DHX9: variants seen among roughly 807,000 people sequenced by gnomAD.
The protein encoded by DHX9 is ATP-dependent RNA helicase A.
Under a neutral mutation model 148.7 loss-of-function variants are expected in DHX9, and 27 were observed. The ratio of observed to expected loss-of-function variants is 0.18; its 90% CI spans 0.13 to 0.25. DHX9 has a LOEUF of 0.25. DHX9 is among the 10% of genes least tolerant of loss of function. The pLI, the probability that DHX9 is intolerant of heterozygous loss-of-function variation, is 1.00. For synonymous variants in DHX9, 529 were observed against 516.6 expected (o/e 1.02, Z -0.33); for missense variants, 796 against 1,559.6 (o/e 0.51, Z 8.25).
At chr1:182,885,337 C>CTTGA (rs1399260434) in intron 27 of DHX9, among the ~76,000 whole-genome samples, 1 of 152,080 alleles carries the variant, frequency 6.6e-6, no homozygotes, top group Admixed American at 6.6e-5. Flanking sequence ...TTTACATATA[C>CTTGA]TTGATACTTA....
intron 3 of DHX9, among the ~76,000 whole-genome samples, chr1:182,845,889 C>A (rs144121327): frequency 6.6e-6 from 1 of 152,194 alleles, no homozygotes; most frequent in Admixed American, 6.5e-5. Flanking sequence ...TGCCCTGCCT[C>A]GAACACCATT....
At chr1:182,876,411 G>A in intron 17 of DHX9, 36 bp from the exon 18 acceptor site, 1 of 1,592,042 alleles carries the variant, frequency 6.3e-7, no homozygotes, top group Non-Finnish European at 8.6e-7. Flanking sequence ...ACCAGCTCCT[G>A]TTTTTAGTCC....
intron 3 of DHX9, among the ~76,000 whole-genome samples, chr1:182,851,890 G>T (rs1322383269): frequency 6.6e-6 from 1 of 152,022 alleles, no homozygotes; most frequent in African/African-American, 2.4e-5. Flanking sequence ...ATACTTTTTT[G>T]ACTGCTTTAA....
intron 7 of DHX9, among the ~76,000 whole-genome samples, chr1:182,857,122 C>T (rs1451494343): frequency 1.3e-5 from 2 of 152,194 alleles, no homozygotes; most frequent in Non-Finnish European, 1.5e-5. Flanking sequence ...GCTGGGATTA[C>T]AGGCGTGAGC....
rs147348128 is a variant in DHX9, at chr1:182,879,438, G to A, written c.2512+28G>A. ...ACTTACAAATACAAACCTACTTGAC[G>A]CAGATATTAATCATACCATCTGTCT... On this transcript the variant is annotated intron_variant, in intron 21 of 27. Coordinates refer to ENST00000367549, the MANE Select transcript of DHX9 (RefSeq NM_001357.5). 870 of 1,412,194 alleles carry A rather than the reference G, an allele frequency of 6.2e-4. 1 individual carries two copies. The highest frequency in any genetic ancestry group is 7.1e-4 in the Non-Finnish European group (751 of 1,064,842). The allele number at this position is 1,412,194 out of a possible 1,614,324, so 87.5% of individuals were successfully genotyped here.
At chr1:182,885,976 A>G (rs981121290) in intron 27 of DHX9, among the ~76,000 whole-genome samples, 1 of 152,180 alleles carries the variant, frequency 6.6e-6, no homozygotes. Context: ...CGGAAACTAG[A>G]AAGAAAGGGA....
At chr1:182,840,003 C>T (rs141173751) in intron 1 of DHX9, 4 of 152,500 alleles carry the variant, frequency 2.6e-5, no homozygotes, top group African/African-American at 9.6e-5. Flanking sequence ...AAAGCAGAGC[C>T]TGCAGAAGCG....
At chr1:182,841,537 G>A (rs142760354) in intron 1 of DHX9, among the ~76,000 whole-genome samples, 49 of 152,160 alleles carry the variant, frequency 3.2e-4, no homozygotes, top group African/African-American at 1.2e-3. Context: ...CATTCCCTTC[G>A]CCAAATGGAT....
chr1:182,879,500 G>A, intron 21 of DHX9, 90 bp downstream of exon 21: 1 of 1,238,908 alleles, frequency 8.1e-7, no homozygotes, highest in Non-Finnish European at 1.1e-6. Context: ...GAATCAAGAT[G>A]ATGAAGATGT....
At chr1:182,884,973 A>G (rs530602065) in intron 27 of DHX9, among the ~76,000 whole-genome samples, 160 bp downstream of exon 27, 1 of 152,334 alleles carries the variant, frequency 6.6e-6, no homozygotes, top group East Asian at 1.9e-4. Context: ...GAGTTCTAAC[A>G]TACTCAGAAC....
chr1:182,854,915 G>T (rs1038116226), intron 6 of DHX9, among the ~76,000 whole-genome samples: 2 of 152,124 alleles, frequency 1.3e-5, no homozygotes, highest in African/African-American at 2.4e-5. Context: ...ACGGAGGGGA[G>T]GTTGTAATGG....
intron 4 of DHX9, among the ~76,000 whole-genome samples, chr1:182,852,876 A>C (rs1177654008): frequency 2.0e-5 from 3 of 146,368 alleles, no homozygotes; most frequent in Non-Finnish European, 1.5e-5. Context: ...GATTTGGGTC[A>C]TATTGCTTAA....
chr1:182,852,299 A>G lies in DHX9; in HGVS notation c.319A>G (p.Thr107Ala), dbSNP rs745416494. The change falls in exon 4 of 28, where the codon ACA becomes GCA. Residue 107 changes from threonine (T) to alanine (A), a missense_variant. Thr to Ala is a moderately conservative substitution (Grantham distance 58). This residue lies in a region of DHX9 where 89 missense variants were observed against 77.5 expected (regional missense o/e 1.15). Transcript: ENST00000367549. ...AGCAAATGCTGAAGGAGATTTACCA[A>G]CAACCATGGGAGGACCTCTTCCTCC... ...TTANAEGDLP[T>A]TMGGPLPPHL... 1.9e-6 allele frequency: 3 copies of G among 1,613,270 alleles called. No homozygotes were observed. The highest frequency in any genetic ancestry group is 2.2e-5 in the South Asian group (2 of 90,950).
At chr1:182,854,342 G>A (rs550120738) in intron 6 of DHX9, among the ~76,000 whole-genome samples, 164 bp downstream of exon 6, 36 of 152,320 alleles carry the variant, frequency 2.4e-4, no homozygotes, top group African/African-American at 8.7e-4. Context: ...ATTGATTTGT[G>A]CAGTTTCCAT....
At chr1:182,872,211 G>A in intron 14 of DHX9, 126 bp from the exon 15 acceptor site, 1 of 726,562 alleles carries the variant, frequency 1.4e-6, no homozygotes. Flanking sequence ...CTTTATCTTG[G>A]CACTTCTGTG....
chr1:182,853,492 G>A (rs766067223), intron 5 of DHX9, 74 bp downstream of exon 5: 29 of 1,119,112 alleles, frequency 2.6e-5, no homozygotes, highest in African/African-American at 9.4e-5. Context: ...CTTAGGATTA[G>A]GATATTCACA....
Position 182,887,114 on chromosome 1 carries a change from G to C in DHX9, c.3493G>C (p.Ala1165Pro). ...AGATGGTCCACGTCCTCCCAAGATG[G>C]CCCGATACGACAATGGAAGCGGATA... ...YGDGPRPPKM[A>P]RYDNGSGYRR... Residue 1165 changes from alanine to proline, a missense_variant, in exon 28 of 28, where the codon GCC becomes CCC. Transcript: ENST00000367549. 1 of 1,614,158 alleles carries C rather than the reference G, an allele frequency of 6.2e-7. No homozygotes were observed. Among genetic ancestry groups the C allele is most frequent in the Non-Finnish European group, 8.5e-7 (1 of 1,180,014 alleles).
At chr1:182,872,903 T>G (rs1343727939) in intron 15 of DHX9, among the ~76,000 whole-genome samples, 1 of 152,170 alleles carries the variant, frequency 6.6e-6, no homozygotes, top group Non-Finnish European at 1.5e-5. Flanking sequence ...TGAATTAAGA[T>G]TAAAGGAAGT....
chr1:182,851,481 A>G (rs1668148736), intron 3 of DHX9, among the ~76,000 whole-genome samples: 1 of 152,260 alleles, frequency 6.6e-6, no homozygotes, highest in Non-Finnish European at 1.5e-5. Flanking sequence ...CTTTCATCTC[A>G]GAATGAAACA....
Sources: allele counts gnomAD v4.1 joint callset (sites outside exome capture counted in the v4.1 genomes callset), GRCh38; gene constraint gnomAD v4.1.1; regional missense constraint gnomAD v4.1.1; transcripts MANE v1.5; gene names NCBI Gene and HGNC (gene_info 2026-07-23, HGNC 2026-07-21).